Variants in ARHGAP24 observed in about 807,000 individuals in gnomAD.
The protein encoded by ARHGAP24 is Rho GTPase activating protein 24.
Under a neutral mutation model 76.4 loss-of-function variants are expected in ARHGAP24, and 50 were observed. The ratio of observed to expected loss-of-function variants is 0.65; its 90% CI spans 0.52 to 0.83. The LOEUF is 0.83. Among genes scored for constraint, ARHGAP24 ranks in the 40% least tolerant of loss-of-function variants. The probability of loss-of-function intolerance (pLI) is 0.00; values close to 1 mark genes in which losing one functional copy is unlikely to be tolerated. For synonymous variants in ARHGAP24, 345 were observed against 323.3 expected (o/e 1.07, Z -0.72); for missense variants, 930 against 914.2 (o/e 1.02, Z -0.22).
At chr4:85,540,709 T>A (rs1725643810) in intron 1 of ARHGAP24, among the ~76,000 whole-genome samples, 2 of 152,164 alleles carry the variant, frequency 1.3e-5, no homozygotes, top group Admixed American at 1.3e-4. Flanking sequence ...ATGCAATAAC[T>A]CTTCTGATTT....
chr4:85,763,003 C>G (rs1726789289), intron 3 of ARHGAP24, among the ~76,000 whole-genome samples: 1 of 152,072 alleles, frequency 6.6e-6, no homozygotes, highest in African/African-American at 2.4e-5. Context: ...ATTGATTTTC[C>G]TATTATTATC....
At chr4:85,680,648 A>G (rs1227765857) in intron 2 of ARHGAP24, among the ~76,000 whole-genome samples, 1 of 152,086 alleles carries the variant, frequency 6.6e-6, no homozygotes, top group Non-Finnish European at 1.5e-5. Flanking sequence ...AGAGGACTCA[A>G]GTGACTAATC....
At chr4:85,683,887 C>G (rs1723323529) in intron 2 of ARHGAP24, among the ~76,000 whole-genome samples, 1 of 152,110 alleles carries the variant, frequency 6.6e-6, no homozygotes, top group Non-Finnish European at 1.5e-5. Context: ...TTTAACTTAG[C>G]ATAATGTCCT....
At chr4:85,603,304 T>C (rs1316790656) in intron 2 of ARHGAP24, among the ~76,000 whole-genome samples, 1 of 152,222 alleles carries the variant, frequency 6.6e-6, no homozygotes. Flanking sequence ...AAAATTCACC[T>C]GTAGTGGGAC....
intron 3 of ARHGAP24, among the ~76,000 whole-genome samples, chr4:85,741,345 C>T (rs534842097): frequency 6.6e-6 from 1 of 152,178 alleles, no homozygotes; most frequent in Non-Finnish European, 1.5e-5. Flanking sequence ...TACTAAATTA[C>T]CCAGAAGTAA....
intron 1 of ARHGAP24, among the ~76,000 whole-genome samples, chr4:85,563,104 G>A (rs1250282555): frequency 6.6e-6 from 1 of 152,156 alleles, no homozygotes; most frequent in Non-Finnish European, 1.5e-5. Flanking sequence ...TCATGCAGAA[G>A]CTCTGGAGCA....
At chr4:85,720,116 G>T (rs1485082060) in intron 2 of ARHGAP24, among the ~76,000 whole-genome samples, 1 of 151,940 alleles carries the variant, frequency 6.6e-6, no homozygotes, top group Non-Finnish European at 1.5e-5. Flanking sequence ...GCCTGTTGTG[G>T]GGTGGGGGGA....
chr4:85,527,446 G>A (rs2110114683), intron 1 of ARHGAP24, among the ~76,000 whole-genome samples: 1 of 152,098 alleles, frequency 6.6e-6, no homozygotes, highest in Admixed American at 6.6e-5. Flanking sequence ...TGAAAGTTTT[G>A]AGCCACATGA....
intron 2 of ARHGAP24, among the ~76,000 whole-genome samples, chr4:85,623,424 T>C (rs2110005700): frequency 6.6e-6 from 1 of 152,338 alleles, no homozygotes; most frequent in Non-Finnish European, 1.5e-5. Flanking sequence ...TGGCATTATT[T>C]CTGAGGGCTC....
chr4:85,544,703 TATA>T (rs1172614725), intron 1 of ARHGAP24, among the ~76,000 whole-genome samples: 3 of 152,122 alleles, frequency 2.0e-5, no homozygotes, highest in African/African-American at 7.2e-5. Flanking sequence ...CACATACATA[TATA>T]TATACACATA....
intron 2 of ARHGAP24, among the ~76,000 whole-genome samples, chr4:85,647,205 T>G (rs6814977): frequency 0.32 from 49,264 of 151,904 alleles, 9,108 homozygotes; most frequent in East Asian, 0.84. Context: ...ATTATTATTA[T>G]TAGTAGTAGT....
intron 2 of ARHGAP24, among the ~76,000 whole-genome samples, chr4:85,592,942 T>TG (rs796253789): frequency 5.3e-5 from 8 of 152,132 alleles, no homozygotes; most frequent in African/African-American, 1.2e-4. Flanking sequence ...GCAATAAACA[T>TG]GGGGGGTGCA....
intron 3 of ARHGAP24, among the ~76,000 whole-genome samples, chr4:85,818,828 T>C (rs1355964578): frequency 6.6e-6 from 1 of 152,156 alleles, no homozygotes; most frequent in Non-Finnish European, 1.5e-5. Flanking sequence ...CCAGTTAACG[T>C]TTATTGATTC....
chr4:85,638,304 G>T (rs1021707122), intron 2 of ARHGAP24, among the ~76,000 whole-genome samples: 1 of 152,134 alleles, frequency 6.6e-6, no homozygotes, highest in Non-Finnish European at 1.5e-5. Flanking sequence ...CTCTGAGTAA[G>T]ATTCTACCTG....
At chr4:85,961,797 C>A (rs547173484) in intron 5 of ARHGAP24, among the ~76,000 whole-genome samples, 1 of 152,154 alleles carries the variant, frequency 6.6e-6, no homozygotes, top group African/African-American at 2.4e-5. Context: ...TGCATACACA[C>A]ACACACATAT....
intron 4 of ARHGAP24, among the ~76,000 whole-genome samples, chr4:85,940,955 C>G (rs1736918425): frequency 6.6e-6 from 1 of 152,076 alleles, no homozygotes; most frequent in Non-Finnish European, 1.5e-5. Context: ...GGTGGGGAGG[C>G]AAAGCATCTG....
At chr4:85,608,559 T>G (rs1381158085) in intron 2 of ARHGAP24, among the ~76,000 whole-genome samples, 18 of 130,754 alleles carry the variant, frequency 1.4e-4, no homozygotes, top group Middle Eastern at 3.9e-3. Context: ...TTGTTTTTTT[T>G]TTTTTTTTTT....
chr4:85,738,187 CATCT>C (rs1333315102), intron 3 of ARHGAP24, among the ~76,000 whole-genome samples: 1 of 152,078 alleles, frequency 6.6e-6, no homozygotes, highest in Non-Finnish European at 1.5e-5. Context: ...TCCCAGAGTA[CATCT>C]ATCTTTTTTA....
chr4:85,590,398 C>T (rs551757172), intron 2 of ARHGAP24, among the ~76,000 whole-genome samples: 13 of 151,452 alleles, frequency 8.6e-5, no homozygotes, highest in Admixed American at 1.3e-4. Context: ...CTCGCTCTGT[C>T]GCCCAGGCTG....
Sources: allele counts gnomAD v4.1 joint callset (sites outside exome capture counted in the v4.1 genomes callset), GRCh38; gene constraint gnomAD v4.1.1; transcripts MANE v1.5; gene names NCBI Gene and HGNC (gene_info 2026-07-23, HGNC 2026-07-21).